The following ITPRID2 variants were observed in gnomAD, a reference collection of about 807,000 sequenced individuals.
ITPRID2 encodes protein ITPRID2.
ITPRID2 carries 60 observed loss-of-function variants against 124.3 expected under a neutral mutation model. That is an observed-to-expected ratio of 0.48 (90% CI 0.39 to 0.60). ITPRID2 has a LOEUF of 0.60. Among genes scored for constraint, ITPRID2 ranks in the 20% least tolerant of loss-of-function variants. ITPRID2 has a pLI of 0.00. For missense variants in ITPRID2, 1,553 were observed against 1,512.2 expected, an observed-to-expected ratio of 1.03 and a Z score of -0.45; for synonymous variants, 521 against 542.9, an observed-to-expected ratio of 0.96 and a Z score of 0.56.
At chr2:181,915,133 A>G (rs544190224) in intron 10 of ITPRID2, 83 bp from the exon 11 acceptor site, 3 of 1,475,722 alleles carry the variant, frequency 2.0e-6, no homozygotes, top group African/African-American at 2.8e-5. Flanking sequence ...GTGAAATTAT[A>G]GAAGCACCAT....
In ITPRID2 at chr2:181,910,577, CT is replaced by C; in HGVS notation, c.1486+610del. 2 of 692,786 alleles carry C rather than the reference CT, an allele frequency of 2.9e-6. No individual in the cohort carries two copies. Among genetic ancestry groups the C allele is most frequent in the East Asian group, 2.7e-5 (1 of 36,364 alleles). 42.9% of individuals were successfully genotyped at this position (692,786 alleles called of 1,614,324 possible). ...ATGTGTGATCTTTGGATTTACAAAA[CT>C]TTTGAGCTTTAGAGAAAGGGAAAGA... On this transcript the variant is annotated intron_variant, in intron 9 of 17. Transcript: ENST00000431877. This position sits in a 1 kb window ranked among gnomAD's most constrained non-coding sequence, Gnocchi z 4.1.
At chr2:181,911,517 A>G (rs1330333328) in intron 9 of ITPRID2, among the ~76,000 whole-genome samples, 1 of 152,196 alleles carries the variant, frequency 6.6e-6, no homozygotes, top group Non-Finnish European at 1.5e-5. Context: ...GAGAGAATAG[A>G]TAGACAGTTG....
Position 181,919,406 on chromosome 2 carries a change from C to T in ITPRID2, c.3104C>T (p.Ala1035Val), listed in dbSNP as rs1167313296. 1.2e-6 allele frequency: 2 copies of T among 1,613,260 alleles called. No homozygotes were observed. The highest frequency in any genetic ancestry group is 1.7e-5 in the Admixed American group (1 of 59,966). The change falls in exon 14 of 18, where the codon GCT becomes GTT. Residue 1035 changes from alanine to valine, a missense_variant. Coordinates refer to ENST00000431877, the MANE Select transcript of ITPRID2 (RefSeq NM_001130445.3). The surrounding 1 kb of genome is among the most constrained non-coding windows in gnomAD (Gnocchi z 4.2). ...CTGGGCCTGGAGGAGCAGCTTCGTG[C>T]TGTGCGCATGCCTTCACCCTTCCGC... Reference protein sequence around the residue: ...RLLGLEEQLRAVRMPSPFRSS... With the variant: ...RLLGLEEQLRVVRMPSPFRSS...
Position 181,896,809 on chromosome 2 carries a change from A to G in ITPRID2, c.308-99A>G, listed in dbSNP as rs1031795302. 34 of 874,756 alleles carry G rather than the reference A, an allele frequency of 3.9e-5. No individual in the cohort carries two copies. Among genetic ancestry groups the G allele is most frequent in the Non-Finnish European group, 5.8e-5 (30 of 521,428 alleles). 54.2% of individuals were successfully genotyped at this position (874,756 alleles called of 1,614,324 possible). A position where few individuals can be genotyped will look rare whatever the true frequency, so the allele number is the denominator to read the frequency against. ...ATTCAAGTCTGAAAGATTTTACTGT[A>G]TAAGATATTTTGCTGGGTGAATTTA... On this transcript the variant is annotated intron_variant, in intron 3 of 17. Coordinates refer to ENST00000431877, the MANE Select transcript of ITPRID2 (RefSeq NM_001130445.3). The surrounding 1 kb of genome is among the most constrained non-coding windows in gnomAD (Gnocchi z 4.3).
chr2:181,892,425 C>T lies in ITPRID2; in HGVS notation c.211+148C>T, dbSNP rs889054430. The T allele has an allele frequency of 2.6e-5, 30 of 1,144,856 alleles. No individual in the cohort carries two copies. In the African/African-American group the frequency reaches 3.9e-4, roughly 15 times the overall value. The allele number at this position is 1,144,856 out of a possible 1,614,324, so 70.9% of individuals were successfully genotyped here. On this transcript the variant is annotated intron_variant, in intron 1 of 17. Transcript: ENST00000431877. The surrounding 1 kb of genome is among the most constrained non-coding windows in gnomAD (Gnocchi z 5.2). ...CACTTCCGACCTTCAAACGCGCGCG[C>T]TGAACGAGGCGCCCCCAGCGTCAAC...
chr2:181,898,796 GTAAT>G lies in ITPRID2; in HGVS notation c.365-81_365-78del, dbSNP rs544372430. Reference sequence around the variant, plus strand: ...TTGGCATTTAATTCTAATATTGTAGGTAATTAGATTTCTTGATAATTGTATCATA... The same window carrying G: ...TTGGCATTTAATTCTAATATTGTAGGTAGATTTCTTGATAATTGTATCATA... On this transcript the variant is annotated intron_variant, in intron 4 of 17. Coordinates refer to ENST00000431877, the MANE Select transcript of ITPRID2 (RefSeq NM_001130445.3). The G allele has an allele frequency of 1.4e-4, 134 of 938,672 alleles. 2 individuals are homozygous for G. In the South Asian group the frequency reaches 1.8e-3, roughly 13 times the overall value. 58.1% of individuals were successfully genotyped at this position (938,672 alleles called of 1,614,324 possible).
At position 181,907,141 on chromosome 2, in the gene ITPRID2, G is replaced by C. The variant is rs1693195698; in HGVS notation, c.1414-2758G>C. 6.6e-6 allele frequency among the ~76,000 whole-genome samples: 1 copy of C among 152,152 alleles called. No homozygotes were observed. The highest frequency in any genetic ancestry group is 2.4e-5 in the African/African-American group (1 of 41,438). On this transcript the variant is annotated intron_variant, in intron 8 of 17. Coordinates refer to ENST00000431877, the MANE Select transcript of ITPRID2 (RefSeq NM_001130445.3). This position sits in a 1 kb window ranked among gnomAD's most constrained non-coding sequence, Gnocchi z 5.1. ...TGAGTTAGAACATCCATGTATTGCT[G>C]TCCTGTGCAATACAATACAGTAGTA...
intron 7 of ITPRID2, 113 bp from the exon 8 acceptor site, chr2:181,901,653 A>G (rs1301819658): frequency 1.8e-5 from 14 of 778,560 alleles, no homozygotes; most frequent in Non-Finnish European, 2.6e-5. Flanking sequence ...GGGTTTTATA[A>G]TCTTTGTGAT....
At chr2:181,893,456 T>C (rs1398257424) in intron 2 of ITPRID2, 1 of 152,222 alleles carries the variant, frequency 6.6e-6, no homozygotes, top group Admixed American at 6.5e-5. Context: ...TTTGTTCAAA[T>C]ATTAGAGTTA....
In ITPRID2 at chr2:181,926,485, G is replaced by A. The variant is rs535003782; in HGVS notation, c.3676-1676G>A. Among the ~76,000 whole-genome samples the A allele has an allele frequency of 1.1e-4, 16 of 152,138 alleles. 1 individual carries two copies. Among genetic ancestry groups the A allele is most frequent in the African/African-American group, 3.4e-4 (14 of 41,514 alleles). ...TCCCAGCACTTTGGGAGGCCAAGGC[G>A]GGTGGATCACAAGGTCAGGAGATCG... On this transcript the variant is annotated intron_variant, in intron 16 of 17. Coordinates refer to ENST00000431877, the MANE Select transcript of ITPRID2 (RefSeq NM_001130445.3).
chr2:181,916,452 T>C (rs760465057), intron 11 of ITPRID2, 25 bp downstream of exon 11: 1 of 1,595,428 alleles, frequency 6.3e-7, no homozygotes, highest in South Asian at 1.1e-5. Context: ...ATGTTATCAT[T>C]AGCTTTTTTC....
Position 181,916,236 on chromosome 2 carries a change from A to T in ITPRID2, c.2596A>T (p.Ser866Cys), listed in dbSNP as rs750654627. The change falls in exon 11 of 18, where the codon AGC becomes TGC. Residue 866 changes from serine (S) to cysteine (C), a missense_variant. Physicochemically the swap from Ser to Cys is moderately radical, Grantham distance 112 (BLOSUM62 -1). Transcript: ENST00000431877. ...CCTGTGTGAGCACACAAGAACTCTG[A>T]GCACTCACAGTGTTCCCAACATATC... ...RPLCEHTRTL[S>C]THSVPNISGA... 2 of 1,614,176 alleles carry T rather than the reference A, an allele frequency of 1.2e-6. No individual in the cohort carries two copies. The highest frequency in any genetic ancestry group is 2.2e-5 in the South Asian group (2 of 91,086).
rs112448063 is a variant in ITPRID2, at chr2:181,915,615, A to G, written c.1975A>G (p.Thr659Ala). The change falls in exon 11 of 18, where the codon ACA becomes GCA. Residue 659 changes from threonine to alanine, a missense_variant. Physicochemically the swap from Thr to Ala is moderately conservative, Grantham distance 58. Coordinates refer to ENST00000431877, the MANE Select transcript of ITPRID2 (RefSeq NM_001130445.3). ...TGAAAGTGAATTTACTCAGTATACC[A>G]CACACCATATTCTGAAATCATTGGC... ...SSESEFTQYT[T>A]HHILKSLASI... 1 of 1,614,112 alleles carries G rather than the reference A, an allele frequency of 6.2e-7. No individual in the cohort carries two copies. Among genetic ancestry groups the G allele is most frequent in the Non-Finnish European group, 8.5e-7 (1 of 1,180,044 alleles).
intron 11 of ITPRID2, chr2:181,916,848 G>T: frequency 1.0e-6 from 1 of 1,001,748 alleles, no homozygotes; most frequent in South Asian, 4.3e-5. Flanking sequence ...TTTTCTCCCT[G>T]TTGGCTTCTG....
intron 6 of ITPRID2, among the ~76,000 whole-genome samples, chr2:181,900,391 G>A (rs1268572434): frequency 6.6e-6 from 1 of 152,086 alleles, no homozygotes; most frequent in Non-Finnish European, 1.5e-5. Flanking sequence ...GCTTTACAGG[G>A]AATCTCTTAA....
chr2:181,916,681 CGTT>C, intron 11 of ITPRID2: 1 of 706,046 alleles, frequency 1.4e-6, no homozygotes, highest in Non-Finnish European at 2.0e-6. Flanking sequence ...AGATTTTTCT[CGTT>C]AAGTATCCTC....
intron 8 of ITPRID2, among the ~76,000 whole-genome samples, chr2:181,908,394 T>C (rs926010996): frequency 3.3e-5 from 5 of 152,214 alleles, no homozygotes; most frequent in Non-Finnish European, 7.3e-5. Flanking sequence ...ATATTTACTT[T>C]ACAGAAAGAT....
intron 16 of ITPRID2, among the ~76,000 whole-genome samples, 169 bp from the exon 17 acceptor site, chr2:181,927,992 G>T (rs547191961): frequency 6.6e-6 from 1 of 152,240 alleles, no homozygotes; most frequent in East Asian, 1.9e-4. Flanking sequence ...GTCTGATCTG[G>T]GTTGGATGAT....
At position 181,891,947 on chromosome 2, in the gene ITPRID2, C is replaced by A. The variant is rs901840331; in HGVS notation, c.-120C>A. The A allele has an allele frequency of 1.0e-5, 8 of 801,228 alleles. No individual in the cohort carries two copies. Among genetic ancestry groups the A allele is most frequent in the South Asian group, 1.9e-5 (1 of 53,178 alleles). 49.6% of individuals were successfully genotyped at this position (801,228 alleles called of 1,614,324 possible). ...TCCTCCTCCTCCTCCTCCTCCGGCG[C>A]CCGCTTCAGCTCCCCGGGGCCCCCT... On this transcript the variant is annotated 5_prime_UTR_variant, in exon 1 of 18. Transcript: ENST00000431877.
Sources: gnomAD v4.1 joint callset for allele counts (sites outside exome capture counted in the v4.1 genomes callset) on GRCh38, gnomAD v4.1.1 for gene constraint, Gnocchi (gnomAD v3.1) non-coding constraint, MANE v1.5 for transcripts, NCBI Gene and HGNC (gene_info 2026-07-23, HGNC 2026-07-21) for gene names.